Variants in SMPD3 observed in about 807,000 individuals in gnomAD.
SMPD3 encodes the protein nSMase-2.
A neutral mutation model predicts 55.7 loss-of-function variants in SMPD3; 21 were observed. The ratio of observed to expected loss-of-function variants is 0.38; its 90% CI spans 0.27 to 0.54. SMPD3 has a LOEUF of 0.54. SMPD3 is among the 20% of genes least tolerant of loss of function. The probability of loss-of-function intolerance (pLI) is 0.80; values close to 1 mark genes in which losing one functional copy is unlikely to be tolerated. For synonymous variants in SMPD3, 457 were observed against 404.3 expected, an observed-to-expected ratio of 1.13 and a Z score of -1.56; for missense variants, 842 against 899.6, an observed-to-expected ratio of 0.94 and a Z score of 0.82.
At chr16:68,446,477 G>T (rs1467872812) in intron 1 of SMPD3, among the ~76,000 whole-genome samples, 2 of 140,546 alleles carry the variant, frequency 1.4e-5, no homozygotes, top group Non-Finnish European at 3.0e-5. Flanking sequence ...TGAGTAAGTG[G>T]TTCATCTACA....
At chr16:68,445,895 A>G (rs909180203) in intron 1 of SMPD3, among the ~76,000 whole-genome samples, 1 of 152,140 alleles carries the variant, frequency 6.6e-6, no homozygotes, top group Non-Finnish European at 1.5e-5. Flanking sequence ...GGGCATGCTT[A>G]TCCTCTAGGG....
Position 68,361,111 on chromosome 16 carries a change from C to T in SMPD3, c.*95G>A. 8.6e-7 allele frequency: 1 copy of T among 1,161,168 alleles called. No individual in the cohort carries two copies. The highest frequency in any genetic ancestry group is 1.2e-6 in the Non-Finnish European group (1 of 813,894). The allele number at this position is 1,161,168 out of a possible 1,614,324, so 71.9% of individuals were successfully genotyped here. A position where few individuals can be genotyped will look rare whatever the true frequency, so the allele number is the denominator to read the frequency against. ...GTGGCTCCCTCCCTGTCCCTGCCCT[C>T]CTCCCCCAAGCACCGGGCACTCGAT... On this transcript the variant is annotated 3_prime_UTR_variant, in exon 9 of 9. Coordinates refer to ENST00000219334, the MANE Select transcript of SMPD3 (RefSeq NM_018667.4).
rs1949348410 is a variant in SMPD3 at position 68,431,985 on chromosome 16, C to T, written c.-269+16368G>A. Among the ~76,000 whole-genome samples, 3 of 150,948 alleles carry T rather than the reference C, an allele frequency of 2.0e-5. No homozygotes were observed. The South Asian group carries it at 6.3e-4, about 32-fold the overall frequency. On this transcript the variant is annotated intron_variant, in intron 1 of 8. Coordinates refer to ENST00000219334, the MANE Select transcript of SMPD3 (RefSeq NM_018667.4). ...CAAAAATTAGCTGGGTGTGGTGGTG[C>T]GGGCCTGTAATCCCAACTACTCGGG...
At chr16:68,418,934 C>T (rs989948122) in intron 1 of SMPD3, among the ~76,000 whole-genome samples, 1 of 152,034 alleles carries the variant, frequency 6.6e-6, no homozygotes, top group African/African-American at 2.4e-5. Context: ...GATGTATCCT[C>T]CTAGAGGGGA....
At chr16:68,372,745 C>A (rs913408392) in intron 2 of SMPD3, among the ~76,000 whole-genome samples, 7 of 152,222 alleles carry the variant, frequency 4.6e-5, no homozygotes, top group Admixed American at 3.9e-4. Flanking sequence ...TGGGCCCACC[C>A]TGACCGGGGG....
At position 68,361,627 on chromosome 16, in the gene SMPD3, C is replaced by T. The variant is rs1346483537; in HGVS notation, c.1842G>A (p.Glu614=). The T allele has an allele frequency of 2.5e-6, 4 of 1,610,028 alleles. No homozygotes were observed. The highest frequency in any genetic ancestry group is 2.2e-5 in the East Asian group (1 of 44,896). Residue 614 remains glutamate, a synonymous_variant, in exon 8 of 9, where the codon GAG becomes GAA. Coordinates refer to ENST00000219334, the MANE Select transcript of SMPD3 (RefSeq NM_018667.4). ...CGGCCTTCCAGTCTGGGCACAGCCCCTCCTCTGCATGCAGCATGTAGTCGA... is the reference window on the plus strand; with the variant it reads ...CGGCCTTCCAGTCTGGGCACAGCCCTTCCTCTGCATGCAGCATGTAGTCGA... ...RRIDYMLHAE[E]GLCPDWKAEV... is the part of the protein sequence containing the mutation.
At chr16:68,396,144 C>T (rs780603531) in intron 1 of SMPD3, among the ~76,000 whole-genome samples, 1 of 152,218 alleles carries the variant, frequency 6.6e-6, no homozygotes, top group Non-Finnish European at 1.5e-5. Context: ...CCAACCCCTC[C>T]GTGGCTGTCA....
At chr16:68,421,275 C>T (rs143415846) in intron 1 of SMPD3, among the ~76,000 whole-genome samples, 2 of 152,346 alleles carry the variant, frequency 1.3e-5, no homozygotes, top group African/African-American at 4.8e-5. Flanking sequence ...GCTCTGCCCT[C>T]GCACATCTGC....
At chr16:68,448,178 A>G (rs1318599202) in intron 1 of SMPD3, among the ~76,000 whole-genome samples, 175 bp downstream of exon 1, 1 of 151,412 alleles carries the variant, frequency 6.6e-6, no homozygotes, top group Non-Finnish European at 1.5e-5. Context: ...ACGAAAACTA[A>G]CCCAAGCTGC....
chr16:68,409,887 C>G (rs1024202128), intron 1 of SMPD3, among the ~76,000 whole-genome samples: 6 of 152,252 alleles, frequency 3.9e-5, no homozygotes, highest in Non-Finnish European at 7.3e-5. Context: ...CCACCGCGCC[C>G]AGCCAATGAT....
intron 2 of SMPD3, among the ~76,000 whole-genome samples, chr16:68,381,480 T>C (rs2089950341): frequency 6.6e-6 from 1 of 152,212 alleles, no homozygotes; most frequent in African/African-American, 2.4e-5. Flanking sequence ...ACCTGGAACC[T>C]GATGTCCAGC....
intron 1 of SMPD3, among the ~76,000 whole-genome samples, chr16:68,435,527 A>G (rs535415002): frequency 6.6e-6 from 1 of 152,136 alleles, no homozygotes; most frequent in East Asian, 1.9e-4. Flanking sequence ...CGTATCCCCT[A>G]ACACAGAGGT....
intron 2 of SMPD3, among the ~76,000 whole-genome samples, chr16:68,386,347 G>A (rs1228757132): frequency 6.6e-6 from 1 of 152,016 alleles, no homozygotes; most frequent in Non-Finnish European, 1.5e-5. Context: ...GGGAGTTATT[G>A]TTTTCTCCAT....
intron 5 of SMPD3, 38 bp from the exon 6 acceptor site, chr16:68,363,904 G>A: frequency 2.0e-6 from 3 of 1,525,974 alleles, no homozygotes; most frequent in Non-Finnish European, 2.7e-6. Flanking sequence ...GCACCAGGGG[G>A]CTTTGCTGTC....
intron 1 of SMPD3, among the ~76,000 whole-genome samples, chr16:68,442,291 T>C (rs545642346): frequency 1.3e-5 from 2 of 152,314 alleles, no homozygotes; most frequent in East Asian, 3.9e-4. Context: ...TTTCCTCATG[T>C]TAAAAAGACA....
intron 1 of SMPD3, among the ~76,000 whole-genome samples, chr16:68,403,696 A>G (rs2090230044): frequency 1.3e-5 from 2 of 152,276 alleles, no homozygotes; most frequent in African/African-American, 2.4e-5. Flanking sequence ...AAAGTTTTAA[A>G]TGAAATGAAT....
At chr16:68,361,342 T>C in intron 8 of SMPD3, 35 bp from the exon 9 acceptor site, 1 of 1,584,200 alleles carries the variant, frequency 6.3e-7, no homozygotes, top group Non-Finnish European at 8.6e-7. Context: ...AACAGCCTGG[T>C]CAGATTCCAA....
At chr16:68,448,278 C>G (rs2090625957) in intron 1 of SMPD3, 75 bp downstream of exon 1, 1 of 152,594 alleles carries the variant, frequency 6.6e-6, no homozygotes. Context: ...GAACACGTCC[C>G]GTCAACTCCC....
intron 2 of SMPD3, among the ~76,000 whole-genome samples, chr16:68,372,597 G>C (rs182008015): frequency 6.6e-6 from 1 of 152,222 alleles, no homozygotes; most frequent in Non-Finnish European, 1.5e-5. Context: ...CTCTTGGAGC[G>C]AATAGCTTGG....
Sources: gnomAD v4.1 joint callset for allele counts (sites outside exome capture counted in the v4.1 genomes callset) on GRCh38, gnomAD v4.1.1 for gene constraint, MANE v1.5 for transcripts, NCBI Gene and HGNC (gene_info 2026-07-23, HGNC 2026-07-21) for gene names.